Variants in PRR16 observed in about 807,000 individuals in gnomAD.
PRR16 encodes protein Largen.
Under a neutral mutation model 18.2 loss-of-function variants are expected in PRR16, and 6 were observed. The ratio of observed to expected loss-of-function variants is 0.33; its 90% confidence interval spans 0.18 to 0.65. PRR16 has a LOEUF of 0.65. Among genes scored for constraint, PRR16 ranks in the 30% least tolerant of loss-of-function variants. The pLI is 0.74. For missense variants in PRR16, 412 were observed against 376.6 expected, an observed-to-expected ratio of 1.09 and a Z score of -0.78; for synonymous variants, 151 against 147.8, an observed-to-expected ratio of 1.02 and a Z score of -0.16.
intron 1 of PRR16, among the ~76,000 whole-genome samples, chr5:120,636,356 A>T (rs1421409519): frequency 6.6e-6 from 1 of 152,206 alleles, no homozygotes; most frequent in South Asian, 2.1e-4. Flanking sequence ...TGGAGGCATC[A>T]CATTACCCGA....
intron 1 of PRR16, among the ~76,000 whole-genome samples, chr5:120,544,503 T>C (rs1464387342): frequency 6.6e-6 from 1 of 152,236 alleles, no homozygotes; most frequent in East Asian, 1.9e-4. Context: ...CACACATGTA[T>C]GTGTATGCAT....
chr5:120,690,966 A>T (rs1216542362), downstream of PRR16, among the ~76,000 whole-genome samples: 2 of 152,246 alleles, frequency 1.3e-5, no homozygotes, highest in Non-Finnish European at 2.9e-5. Context: ...GTGTAAAGAC[A>T]CAGGGAAAAT....
the PRR16 span, among the ~76,000 whole-genome samples, chr5:120,758,974 CTTTTTT>C: frequency 1.8e-5 from 2 of 110,354 alleles, no homozygotes; most frequent in African/African-American, 3.5e-5. Context: ...ACCATAATTT[CTTTTTT>C]TTTTTTTTTT....
intron 1 of PRR16, among the ~76,000 whole-genome samples, chr5:120,489,449 GT>G (rs1319413459): frequency 4.6e-5 from 7 of 152,118 alleles, no homozygotes; most frequent in Non-Finnish European, 1.0e-4. Flanking sequence ...TTTAAAGTCT[GT>G]TTTATCAGAG....
At chr5:120,786,771 G>T in the PRR16 span, among the ~76,000 whole-genome samples, 1 of 151,748 alleles carries the variant, frequency 6.6e-6, no homozygotes, top group Non-Finnish European at 1.5e-5. Flanking sequence ...AAATCATACT[G>T]CCCTTACTGC....
chr5:120,495,074 T>A (rs1750198494), intron 1 of PRR16, among the ~76,000 whole-genome samples: 1 of 152,114 alleles, frequency 6.6e-6, no homozygotes, highest in South Asian at 2.1e-4. Context: ...AATTTATGTT[T>A]TTTTTTCATT....
chr5:120,536,661 G>A (rs1024053262), intron 1 of PRR16, among the ~76,000 whole-genome samples: 1 of 152,178 alleles, frequency 6.6e-6, no homozygotes, highest in African/African-American at 2.4e-5. Flanking sequence ...ATCTACCTCT[G>A]TCCTCATTGG....
At chr5:120,560,382 T>G (rs145229099) in intron 1 of PRR16, among the ~76,000 whole-genome samples, 9 of 152,110 alleles carry the variant, frequency 5.9e-5, no homozygotes, top group Non-Finnish European at 1.3e-4. Flanking sequence ...TTTTTCAGCA[T>G]CAATTGAAAT....
intron 1 of PRR16, among the ~76,000 whole-genome samples, chr5:120,645,810 AG>A (rs1755572811): frequency 8.2e-6 from 1 of 121,856 alleles, no homozygotes; most frequent in South Asian, 2.7e-4. Context: ...CAGCACTTCC[AG>A]GCATTACATC....
chr5:120,770,222 T>G, the PRR16 span, among the ~76,000 whole-genome samples: 1 of 147,834 alleles, frequency 6.8e-6, no homozygotes, highest in Non-Finnish European at 1.5e-5. Flanking sequence ...TAATTAAAAC[T>G]CTATAGCACT....
chr5:120,642,857 A>G (rs532659275), intron 1 of PRR16, among the ~76,000 whole-genome samples: 376 of 152,104 alleles, frequency 2.5e-3, no homozygotes, highest in Middle Eastern at 0.01. Context: ...TGTATAACAT[A>G]TTGTTTTGTA....
chr5:120,742,120 A>C, the PRR16 span, among the ~76,000 whole-genome samples: 4 of 151,932 alleles, frequency 2.6e-5, no homozygotes, highest in Non-Finnish European at 5.9e-5. Context: ...CATTTCTTTT[A>C]TACAATATAT....
At chr5:120,506,105 T>G (rs1750637762) in intron 1 of PRR16, among the ~76,000 whole-genome samples, 1 of 151,984 alleles carries the variant, frequency 6.6e-6, no homozygotes, top group African/African-American at 2.4e-5. Flanking sequence ...TTCTTAGAAA[T>G]GATGCTTTAC....
intron 1 of PRR16, among the ~76,000 whole-genome samples, chr5:120,523,646 A>G (rs1241835152): frequency 6.6e-6 from 1 of 152,152 alleles, no homozygotes; most frequent in Non-Finnish European, 1.5e-5. Context: ...TATAAACATT[A>G]TACTAAACTA....
intron 1 of PRR16, among the ~76,000 whole-genome samples, chr5:120,516,626 A>G (rs1475085536): frequency 6.6e-6 from 1 of 152,066 alleles, no homozygotes; most frequent in African/African-American, 2.4e-5. Context: ...GCGTGCATGG[A>G]CGCTTTTATA....
chr5:120,688,385 T>G (rs1174393534), downstream of PRR16, among the ~76,000 whole-genome samples: 2 of 152,104 alleles, frequency 1.3e-5, no homozygotes, highest in Admixed American at 1.3e-4. Flanking sequence ...AATCAGAAAG[T>G]TACAAAACAG....
chr5:120,753,235 A>G, the PRR16 span, among the ~76,000 whole-genome samples: 9 of 152,034 alleles, frequency 5.9e-5, no homozygotes, highest in Non-Finnish European at 1.2e-4. Flanking sequence ...CGGAGCGAAT[A>G]AGAAATGGCC....
the PRR16 span, among the ~76,000 whole-genome samples, chr5:120,706,796 C>T: frequency 0.95 from 144,554 of 152,252 alleles, 68,957 homozygotes; most frequent in East Asian, 1. Flanking sequence ...GGAGAAAGAT[C>T]GAATTCAACT....
intron 1 of PRR16, among the ~76,000 whole-genome samples, chr5:120,507,424 G>A (rs755471453): frequency 1.3e-5 from 2 of 152,086 alleles, no homozygotes; most frequent in Non-Finnish European, 2.9e-5. Context: ...TTCTCAGTGT[G>A]AAAAACCTTA....
Sources: gnomAD v4.1 joint callset for allele counts (sites outside exome capture counted in the v4.1 genomes callset) on GRCh38, gnomAD v4.1.1 for gene constraint, MANE v1.5 for transcripts, NCBI Gene and HGNC (gene_info 2026-07-23, HGNC 2026-07-21) for gene names.